Variants in ACER1 observed in about 807,000 individuals in gnomAD.
ACER1 encodes the protein alkaline ceramidase 1, also known as CTB-180A7.3.
A neutral mutation model predicts 24.9 loss-of-function variants in ACER1; 28 were observed. The ratio of observed to expected loss-of-function variants is 1.13; its 90% CI spans 0.83 to 1.54. ACER1 has a LOEUF of 1.54. ACER1 is among the 40% of genes most tolerant of loss of function. The probability of loss-of-function intolerance (pLI) is 0.00; values close to 1 mark genes in which losing one functional copy is unlikely to be tolerated. For synonymous variants in ACER1, 132 were observed against 131.4 expected, an observed-to-expected ratio of 1.00 and a Z score of -0.03; for missense variants, 352 against 349.3, an observed-to-expected ratio of 1.01 and a Z score of -0.06.
chr19:6,345,841 A>G, the ACER1 span, among the ~76,000 whole-genome samples: 1 of 151,874 alleles, frequency 6.6e-6, no homozygotes, highest in Non-Finnish European at 1.5e-5. Flanking sequence ...CTGGGATGAC[A>G]GGCATGAGCC....
At chr19:6,355,094 G>A in the ACER1 span, among the ~76,000 whole-genome samples, 1 of 152,136 alleles carries the variant, frequency 6.6e-6, no homozygotes, top group Non-Finnish European at 1.5e-5. Context: ...AGAGGTGCCG[G>A]GATTGCAGAC....
the ACER1 span, among the ~76,000 whole-genome samples, chr19:6,357,441 G>A: frequency 7.9e-5 from 12 of 151,920 alleles, no homozygotes; most frequent in East Asian, 1.9e-3. Context: ...AAGGAGATAA[G>A]GGGGGTCAGC....
chr19:6,307,032 C>T, intron 5 of ACER1, 121 bp downstream of exon 5: 1 of 1,508,520 alleles, frequency 6.6e-7, no homozygotes, highest in Non-Finnish European at 9.0e-7. Flanking sequence ...ACCGCCAGGT[C>T]CCAGTGTCTG....
At chr19:6,355,071 A>G in the ACER1 span, among the ~76,000 whole-genome samples, 1 of 152,120 alleles carries the variant, frequency 6.6e-6, no homozygotes, top group Non-Finnish European at 1.5e-5. Flanking sequence ...GTGATCCGCC[A>G]GCCTCGGCCT....
chr19:6,309,381 G>A (rs1189235592), intron 4 of ACER1, among the ~76,000 whole-genome samples: 5 of 151,898 alleles, frequency 3.3e-5, no homozygotes, highest in Non-Finnish European at 7.4e-5. Flanking sequence ...AATTATCCTG[G>A]CATGATGGCA....
At chr19:6,316,906 A>G (rs932133695) in intron 1 of ACER1, among the ~76,000 whole-genome samples, 1 of 151,674 alleles carries the variant, frequency 6.6e-6, no homozygotes, top group Admixed American at 6.6e-5. Context: ...CAATTTATAC[A>G]AACAAAAGAA....
rs768397193 is a variant in ACER1, at chr19:6,330,508, G to C, written c.93+2951C>G. Among the ~76,000 whole-genome samples, 32 of 150,044 alleles carry C rather than the reference G, an allele frequency of 2.1e-4. 1 individual carries two copies. The highest frequency in any genetic ancestry group is 3.8e-4 in the Non-Finnish European group (26 of 67,926). On this transcript the variant is annotated intron_variant, in intron 1 of 5. Coordinates refer to ENST00000301452, the MANE Select transcript of ACER1 (RefSeq NM_133492.3). ...AAATTTTGTGTAGGGACTGGGTCTT[G>C]CTATGTTGCTTAGGCTGGTCTTGAA...
chr19:6,354,332 G>T, the ACER1 span, among the ~76,000 whole-genome samples: 1 of 151,482 alleles, frequency 6.6e-6, no homozygotes, highest in Non-Finnish European at 1.5e-5. Context: ...ATTGATGGGG[G>T]TAGGGGTGGG....
At chr19:6,351,408 C>T in the ACER1 span, among the ~76,000 whole-genome samples, 9,004 of 150,946 alleles carry the variant, frequency 0.06, 384 homozygotes, top group African/African-American at 0.12. Context: ...ATAAGAGTTA[C>T]AATCCATAAT....
intron 1 of ACER1, 48 bp from the exon 2 acceptor site, chr19:6,312,547 G>T: frequency 6.8e-7 from 1 of 1,460,012 alleles, no homozygotes; most frequent in Non-Finnish European, 9.6e-7. Flanking sequence ...TAGGGGAGAC[G>T]GAGGAGGCTG....
chr19:6,322,271 A>G (rs1166474076), intron 1 of ACER1, among the ~76,000 whole-genome samples: 2 of 152,210 alleles, frequency 1.3e-5, no homozygotes, highest in Admixed American at 1.3e-4. Context: ...TAGAAACTGT[A>G]ACACTGTCAC....
intron 1 of ACER1, among the ~76,000 whole-genome samples, chr19:6,320,293 C>T (rs1044858509): frequency 6.6e-6 from 1 of 152,010 alleles, no homozygotes; most frequent in African/African-American, 2.4e-5. Flanking sequence ...ACGAAGTGTG[C>T]ACCGGCCACA....
upstream of ACER1, among the ~76,000 whole-genome samples, chr19:6,336,041 C>T (rs759756206): frequency 4.6e-5 from 7 of 151,808 alleles, no homozygotes; most frequent in Non-Finnish European, 7.4e-5. Context: ...GCTGGATTTA[C>T]AGGCACCCGC....
intron 1 of ACER1, among the ~76,000 whole-genome samples, chr19:6,320,268 G>A (rs148583977): frequency 6.6e-6 from 1 of 152,070 alleles, no homozygotes; most frequent in Non-Finnish European, 1.5e-5. Context: ...AAGTGTGCCT[G>A]CTAATGTTGG....
chr19:6,308,745 A>G (rs959092474), intron 4 of ACER1, among the ~76,000 whole-genome samples: 1 of 152,182 alleles, frequency 6.6e-6, no homozygotes, highest in African/African-American at 2.4e-5. Context: ...GGGGAGTTAA[A>G]TTATAAAAAA....
At chr19:6,338,041 G>A (rs556810623), upstream of ACER1, among the ~76,000 whole-genome samples, 14 of 151,404 alleles carry the variant, frequency 9.2e-5, no homozygotes, top group South Asian at 4.2e-4. Context: ...TAATTCCACC[G>A]CTGCACTCTA....
chr19:6,344,397 G>C, the ACER1 span, among the ~76,000 whole-genome samples: 1 of 151,910 alleles, frequency 6.6e-6, no homozygotes, highest in Admixed American at 6.6e-5. Flanking sequence ...AGCCAAGATT[G>C]TGCCATTGCA....
chr19:6,324,861 A>AAGGAAGGG, intron 1 of ACER1, among the ~76,000 whole-genome samples: 1 of 10,332 alleles, frequency 9.7e-5, no homozygotes, highest in South Asian at 3.5e-3. Flanking sequence ...GAGAGAGAGA[A>AAGGAAGGG]AGGAAGGAAG....
At chr19:6,358,587 A>G in the ACER1 span, among the ~76,000 whole-genome samples, 1 of 148,468 alleles carries the variant, frequency 6.7e-6, no homozygotes, top group Non-Finnish European at 1.5e-5. Flanking sequence ...AGACCGCACC[A>G]CTGCACTCCA....
Sources: gnomAD v4.1 joint callset for allele counts (sites outside exome capture counted in the v4.1 genomes callset) on GRCh38, gnomAD v4.1.1 for gene constraint, MANE v1.5 for transcripts, NCBI Gene and HGNC (gene_info 2026-07-23, HGNC 2026-07-21) for gene names.